EPS15L1: variants seen among roughly 807,000 people sequenced by gnomAD.
EPS15L1 encodes epidermal growth factor receptor pathway substrate 15 like 1, also known as epidermal growth factor receptor substrate 15-like 1.
Under a neutral mutation model 117.1 loss-of-function variants are expected in EPS15L1, and 43 were observed. The observed-to-expected ratio is 0.37, with a 90% confidence interval of 0.29 to 0.47. The LOEUF is 0.47. Among genes scored for constraint, EPS15L1 ranks in the 20% least tolerant of loss-of-function variants. EPS15L1 has a pLI of 0.99. For synonymous variants in EPS15L1, 459 were observed against 470.5 expected (o/e 0.98, Z 0.32); for missense variants, 981 against 1,164.0 (o/e 0.84, Z 2.29).
Position 16,436,274 on chromosome 19 carries a change from G to A in EPS15L1, c.372+663C>T, listed in dbSNP as rs766122216. Among the ~76,000 whole-genome samples, 4 of 152,206 alleles carry A rather than the reference G, an allele frequency of 2.6e-5. No homozygotes were observed. The South Asian group carries it at 6.2e-4, about 24-fold the overall frequency. Reference sequence around the variant, plus strand: ...CACATAAACGTGAGGAAATGTGACAGTCTGAAAGTGAAGGGAAGGTGAGGA... The same window carrying A: ...CACATAAACGTGAGGAAATGTGACAATCTGAAAGTGAAGGGAAGGTGAGGA... On this transcript the variant is annotated intron_variant, in intron 6 of 23. Coordinates refer to ENST00000455140, the MANE Select transcript of EPS15L1 (RefSeq NM_001258374.3).
rs1338364545 is a variant in EPS15L1 at position 16,383,150 on chromosome 19, G to GA, written c.2247+1978dup. 6.6e-6 allele frequency: 1 copy of GA among 152,202 alleles called. No individual in the cohort carries two copies. The highest frequency in any genetic ancestry group is 2.4e-5 in the African/African-American group (1 of 41,444). 9.4% of individuals were successfully genotyped at this position (152,202 alleles called of 1,614,324 possible). ...TGATGGAACGCTGGAATCAAAACAA[G>GA]ATAGTATTGGAGACCCATTTTCCAC... On this transcript the variant is annotated intron_variant, in intron 21 of 23. Transcript: ENST00000455140. The surrounding 1 kb of genome is among the most constrained non-coding windows in gnomAD (Gnocchi z 5.2).
chr19:16,403,570 G>T (rs2092623780), intron 15 of EPS15L1, among the ~76,000 whole-genome samples, 163 bp downstream of exon 15: 1 of 152,134 alleles, frequency 6.6e-6, no homozygotes, highest in African/African-American at 2.4e-5. Flanking sequence ...ACATGCCCTG[G>T]GGAGTCCTTG....
chr19:16,393,369 C>T (rs1356942927), intron 18 of EPS15L1, among the ~76,000 whole-genome samples: 4 of 151,770 alleles, frequency 2.6e-5, no homozygotes, highest in East Asian at 1.9e-4. Context: ...ATAAATCGGT[C>T]GGGCATGGTG....
In EPS15L1 at chr19:16,402,359, C is replaced by T; in HGVS notation, c.1753G>A (p.Gly585Ser). ...SLTDLANLSE[G>S]VSLAERGSFG... ...CTGCCCCTCTCTGCCAGGGAGACGC[C>T]TTCGCTCAGGTTGGCCAGGTCGGTC... Residue 585 changes from glycine (G) to serine (S), a missense_variant, in exon 16 of 24, where the codon GGC becomes AGC. By Grantham distance (56) the Gly-to-Ser change is moderately conservative. Transcript: ENST00000455140. The T allele has an allele frequency of 6.2e-7, 1 of 1,613,922 alleles. No individual in the cohort carries two copies. Among genetic ancestry groups the T allele is most frequent in the South Asian group, 1.1e-5 (1 of 91,060 alleles).
At position 16,381,030 on chromosome 19, in the gene EPS15L1, C is replaced by G. The variant is rs1388736203; in HGVS notation, c.2248-3776G>C. Among the ~76,000 whole-genome samples, 1 of 152,230 alleles carries G rather than the reference C, an allele frequency of 6.6e-6. No individual in the cohort carries two copies. Among genetic ancestry groups the G allele is most frequent in the Non-Finnish European group, 1.5e-5 (1 of 68,034 alleles). ...AGGCAGCCTACCCATTCCAGGTCCCCCCGATAAGGGCAGTGGCAGGTGCCC... is the reference window on the plus strand; with the variant it reads ...AGGCAGCCTACCCATTCCAGGTCCCGCCGATAAGGGCAGTGGCAGGTGCCC... On this transcript the variant is annotated intron_variant, in intron 21 of 23. Transcript: ENST00000455140. This position sits in a 1 kb window ranked among gnomAD's most constrained non-coding sequence, Gnocchi z 4.2.
chr19:16,414,765 A>G (rs2092742051), intron 12 of EPS15L1, among the ~76,000 whole-genome samples: 1 of 148,188 alleles, frequency 6.7e-6, no homozygotes, highest in Non-Finnish European at 1.5e-5. Flanking sequence ...GCTGGACTGC[A>G]GTGGCACGAT....
chr19:16,430,879 C>T (rs1366645977), intron 7 of EPS15L1, among the ~76,000 whole-genome samples: 2 of 152,202 alleles, frequency 1.3e-5, no homozygotes, highest in African/African-American at 4.8e-5. Flanking sequence ...GGCATGTGCA[C>T]ACACAGATGA....
Position 16,425,257 on chromosome 19 carries a change from C to CG in EPS15L1, c.617dup (p.Ser207ValfsTer74). On this transcript the variant is annotated frameshift_variant, in exon 9 of 24. Coordinates refer to ENST00000455140, the MANE Select transcript of EPS15L1 (RefSeq NM_001258374.3). LOFTEE classifies it high-confidence loss of function. ...TTCTCTTGGAGGGTGGGATGAGGGA[C>CG]GGGGGCAGGGCGGAGGGCACGGGCT... The CG allele has an allele frequency of 1.9e-6, 1 of 537,046 alleles. No homozygotes were observed. The highest frequency in any genetic ancestry group is 3.4e-6 in the Non-Finnish European group (1 of 297,300). The allele number at this position is 537,046 out of a possible 1,614,324, so 33.3% of individuals were successfully genotyped here. A position where few individuals can be genotyped will look rare whatever the true frequency, so the allele number is the denominator to read the frequency against.
At chr19:16,466,356 G>A (rs1481222025) in intron 1 of EPS15L1, among the ~76,000 whole-genome samples, 1 of 152,070 alleles carries the variant, frequency 6.6e-6, no homozygotes, top group Non-Finnish European at 1.5e-5. Flanking sequence ...CTTCCAGCCT[G>A]GTGGTGAGAC....
At chr19:16,413,923 A>T in intron 12 of EPS15L1, 78 bp from the exon 13 acceptor site, 1 of 1,097,382 alleles carries the variant, frequency 9.1e-7, no homozygotes. Context: ...GATTCTGTTC[A>T]CCCCCACAAA....
Position 16,370,916 on chromosome 19 carries a change from G to A in EPS15L1, c.2380+6206C>T, listed in dbSNP as rs924209532. Among the ~76,000 whole-genome samples the A allele has an allele frequency of 1.3e-5, 2 of 152,148 alleles. No individual in the cohort carries two copies. The highest frequency in any genetic ancestry group is 1.3e-4 in the Admixed American group (2 of 15,278). On this transcript the variant is annotated intron_variant, in intron 22 of 23. Transcript: ENST00000455140. The surrounding 1 kb of genome is among the most constrained non-coding windows in gnomAD (Gnocchi z 5.2). ...CCTGGTTGGCCGTTTTAGGCTCCTT[G>A]GGACCCCCTCCCCATCCTGGCTGGC...
At chr19:16,396,674 G>A (rs1470849013) in intron 16 of EPS15L1, among the ~76,000 whole-genome samples, 3 of 151,996 alleles carry the variant, frequency 2.0e-5, no homozygotes, top group East Asian at 1.9e-4. Context: ...ATGGATAAAC[G>A]GAAAAACAAA....
chr19:16,441,793 C>T (rs1273155479), intron 3 of EPS15L1, 99 bp downstream of exon 3: 8 of 900,362 alleles, frequency 8.9e-6, no homozygotes, highest in South Asian at 3.3e-5. Flanking sequence ...CCCAGGAGGC[C>T]GGGCCCCATG....
intron 1 of EPS15L1, among the ~76,000 whole-genome samples, chr19:16,458,982 G>A (rs532102015): frequency 3.3e-5 from 5 of 152,322 alleles, no homozygotes; most frequent in African/African-American, 9.6e-5. Context: ...CCTGCTCCAC[G>A]CCTGGGCTGT....
rs1037482913 is a variant in EPS15L1 at position 16,371,687 on chromosome 19, G to A, written c.2380+5435C>T. 9.9e-5 allele frequency among the ~76,000 whole-genome samples: 15 copies of A among 152,220 alleles called. No homozygotes were observed. The highest frequency in any genetic ancestry group is 3.6e-4 in the African/African-American group (15 of 41,452). ...GCTGGCAGGAAGTGGCAAGGGTGGGGCCGGTCGCAGGATCCCACTATCGCA... is the reference window on the plus strand; with the variant it reads ...GCTGGCAGGAAGTGGCAAGGGTGGGACCGGTCGCAGGATCCCACTATCGCA... On this transcript the variant is annotated intron_variant, in intron 22 of 23. Transcript: ENST00000455140. The surrounding 1 kb of genome is among the most constrained non-coding windows in gnomAD (Gnocchi z 4.7).
rs180997805 is a variant in EPS15L1, at chr19:16,381,725, G to A, written c.2247+3404C>T. Among the ~76,000 whole-genome samples the A allele has an allele frequency of 6.6e-6, 1 of 152,322 alleles. No individual in the cohort carries two copies. The highest frequency in any genetic ancestry group is 2.4e-5 in the African/African-American group (1 of 41,560). On this transcript the variant is annotated intron_variant, in intron 21 of 23. Transcript: ENST00000455140. The surrounding 1 kb of genome is among the most constrained non-coding windows in gnomAD (Gnocchi z 4.2). Reference sequence around the variant, plus strand: ...TCGGCCTGCAGCTTAGCTTTAAAATGGGCCGTTTAGGGTCGGCTGTTTGGG... The same window carrying A: ...TCGGCCTGCAGCTTAGCTTTAAAATAGGCCGTTTAGGGTCGGCTGTTTGGG...
Position 16,469,605 on chromosome 19 carries a change from T to C in EPS15L1, c.33+2308A>G, listed in dbSNP as rs1017483301. ...ATATTCAGGGTCAGAAAAGAGTATA[T>C]AAGGAAGGAGATTCTGAGATGATGT... On this transcript the variant is annotated intron_variant, in intron 1 of 23. Coordinates refer to ENST00000455140, the MANE Select transcript of EPS15L1 (RefSeq NM_001258374.3). 4.6e-5 allele frequency among the ~76,000 whole-genome samples: 7 copies of C among 152,058 alleles called. No individual in the cohort carries two copies. The South Asian group carries it at 6.2e-4, about 14-fold the overall frequency.
At chr19:16,412,370 C>T (rs1338579832) in intron 13 of EPS15L1, among the ~76,000 whole-genome samples, 1 of 151,836 alleles carries the variant, frequency 6.6e-6, no homozygotes, top group East Asian at 1.9e-4. Context: ...CATGGTGGTG[C>T]GTGCCTGTAA....
chr19:16,388,368 A>G (rs1459047642), intron 19 of EPS15L1, among the ~76,000 whole-genome samples: 1 of 152,200 alleles, frequency 6.6e-6, no homozygotes, highest in East Asian at 1.9e-4. Flanking sequence ...GTTGAAAAGC[A>G]TAATTTACAG....
Sources: allele counts gnomAD v4.1 joint callset (sites outside exome capture counted in the v4.1 genomes callset), GRCh38; gene constraint gnomAD v4.1.1; non-coding constraint Gnocchi (gnomAD v3.1); transcripts MANE v1.5; gene names NCBI Gene and HGNC (gene_info 2026-07-23, HGNC 2026-07-21).